The following TENM2 variants were observed in gnomAD, a reference collection of about 807,000 sequenced individuals.
TENM2 encodes teneurin transmembrane protein 2.
A neutral mutation model predicts 245.2 loss-of-function variants in TENM2; 52 were observed. That is an observed-to-expected ratio of 0.21 (90% confidence interval 0.17 to 0.27). The LOEUF (loss-of-function observed/expected upper bound fraction) is 0.27. Ranked by LOEUF, TENM2 falls within the 10% of genes least tolerant of loss-of-function variation. TENM2 has a pLI of 1.00. For missense variants in TENM2, 3,046 were observed against 3,666.8 expected, an observed-to-expected ratio of 0.83 and a Z score of 4.37; for synonymous variants, 1,363 against 1,438.9, an observed-to-expected ratio of 0.95 and a Z score of 1.19.
At chr5:168,073,345 T>G (rs969698951) in intron 7 of TENM2, among the ~76,000 whole-genome samples, 8 of 151,996 alleles carry the variant, frequency 5.3e-5, no homozygotes, top group Non-Finnish European at 2.9e-5. Flanking sequence ...CTACACAAGG[T>G]GAATCTTTGA....
At chr5:167,629,341 T>G (rs184594708) in intron 2 of TENM2, among the ~76,000 whole-genome samples, 2 of 152,302 alleles carry the variant, frequency 1.3e-5, no homozygotes, top group East Asian at 3.9e-4. Context: ...TTCCTAGGGT[T>G]TTTCTGAAGA....
the TENM2 span, among the ~76,000 whole-genome samples, chr5:167,190,270 T>A: frequency 6.6e-6 from 1 of 152,068 alleles, no homozygotes; most frequent in Non-Finnish European, 1.5e-5. Context: ...TGGCAGGGGA[T>A]GAGATATCAA....
intron 3 of TENM2, among the ~76,000 whole-genome samples, chr5:167,942,566 TC>T (rs1779270340): frequency 6.6e-6 from 1 of 152,070 alleles, no homozygotes; most frequent in Non-Finnish European, 1.5e-5. Flanking sequence ...CAATGCCTCT[TC>T]CTCCCACTGC....
chr5:166,987,091 A>C, the TENM2 span, among the ~76,000 whole-genome samples: 1 of 152,062 alleles, frequency 6.6e-6, no homozygotes, highest in Admixed American at 6.5e-5. Flanking sequence ...CCCTAAGGCC[A>C]CTCTAGGTAT....
At chr5:167,131,237 G>A in the TENM2 span, among the ~76,000 whole-genome samples, 2 of 152,116 alleles carry the variant, frequency 1.3e-5, no homozygotes, top group East Asian at 1.9e-4. Flanking sequence ...ACCAGTTTCT[G>A]TATAATACAT....
At chr5:167,045,366 C>A in the TENM2 span, among the ~76,000 whole-genome samples, 1 of 152,190 alleles carries the variant, frequency 6.6e-6, no homozygotes, top group African/African-American at 2.4e-5. Flanking sequence ...CTGTAAAACA[C>A]TCCATTTAGT....
At chr5:168,011,564 T>C (rs565929300) in intron 5 of TENM2, among the ~76,000 whole-genome samples, 1 of 152,314 alleles carries the variant, frequency 6.6e-6, no homozygotes, top group Non-Finnish European at 1.5e-5. Context: ...TTTTTACCAC[T>C]TGAACGAAAA....
intron 2 of TENM2, among the ~76,000 whole-genome samples, chr5:167,483,657 A>G (rs1453435203): frequency 6.6e-6 from 1 of 152,242 alleles, no homozygotes; most frequent in African/African-American, 2.4e-5. Flanking sequence ...GCTAATGAGT[A>G]CATTCTTTTT....
chr5:167,097,540 G>A, the TENM2 span, among the ~76,000 whole-genome samples: 2 of 152,074 alleles, frequency 1.3e-5, no homozygotes, highest in Non-Finnish European at 2.9e-5. Context: ...AAAAAAAAAC[G>A]GTAGTTGTTA....
At chr5:167,368,902 A>AT (rs1235349960) in intron 1 of TENM2, among the ~76,000 whole-genome samples, 2 of 152,018 alleles carry the variant, frequency 1.3e-5, no homozygotes, top group African/African-American at 4.8e-5. Context: ...GTGAAATTAT[A>AT]TTTAACATTT....
the TENM2 span, among the ~76,000 whole-genome samples, chr5:166,996,468 T>A: frequency 5.6e-4 from 86 of 152,368 alleles, no homozygotes; most frequent in African/African-American, 2.0e-3. Flanking sequence ...CAATTGCGTG[T>A]TTTCCGTGGA....
intron 2 of TENM2, among the ~76,000 whole-genome samples, chr5:167,636,662 C>T (rs1364477942): frequency 1.3e-5 from 2 of 152,178 alleles, no homozygotes; most frequent in Non-Finnish European, 2.9e-5. Flanking sequence ...GCACCACAGT[C>T]ATGTATGTCA....
chr5:167,920,386 C>T (rs1053173756), intron 3 of TENM2, among the ~76,000 whole-genome samples: 7 of 150,608 alleles, frequency 4.6e-5, no homozygotes, highest in African/African-American at 1.5e-4. Flanking sequence ...GGCATAGTGG[C>T]GGGCACATGT....
At chr5:167,747,813 T>C (rs899263672) in intron 2 of TENM2, among the ~76,000 whole-genome samples, 1 of 152,184 alleles carries the variant, frequency 6.6e-6, no homozygotes, top group Non-Finnish European at 1.5e-5. Flanking sequence ...TTTATTTGAA[T>C]AAATAAGTGT....
chr5:167,562,683 G>T (rs567578953), intron 2 of TENM2, among the ~76,000 whole-genome samples: 3 of 152,158 alleles, frequency 2.0e-5, no homozygotes, highest in African/African-American at 7.2e-5. Context: ...ATAGAAAATG[G>T]TGGCAAGTCA....
chr5:167,811,976 G>T (rs1766676250), intron 2 of TENM2, among the ~76,000 whole-genome samples: 1 of 152,128 alleles, frequency 6.6e-6, no homozygotes, highest in Non-Finnish European at 1.5e-5. Context: ...ACATACACAA[G>T]GACGTCATTT....
chr5:168,179,086 G>A (rs1192667622), intron 13 of TENM2, among the ~76,000 whole-genome samples: 1 of 144,002 alleles, frequency 6.9e-6, no homozygotes, highest in Admixed American at 7.2e-5. Flanking sequence ...AGTGAGTCGA[G>A]ATCGAGCCAC....
intron 2 of TENM2, among the ~76,000 whole-genome samples, chr5:167,712,281 A>C (rs1275095945): frequency 6.6e-6 from 1 of 152,310 alleles, no homozygotes; most frequent in African/African-American, 2.4e-5. Context: ...TCCATTAACA[A>C]GTTTTAAGAT....
At chr5:167,288,558 CAAAA>C (rs58929279) in intron 1 of TENM2, among the ~76,000 whole-genome samples, 1 of 93,676 alleles carries the variant, frequency 1.1e-5, no homozygotes, top group Admixed American at 1.3e-4. Flanking sequence ...GACTCCGTCT[CAAAA>C]AAAAAAAAAA....
Sources: gnomAD v4.1 joint callset for allele counts (sites outside exome capture counted in the v4.1 genomes callset) on GRCh38, gnomAD v4.1.1 for gene constraint, MANE v1.5 for transcripts, NCBI Gene and HGNC (gene_info 2026-07-23, HGNC 2026-07-21) for gene names.